The following KSR2 variants were observed in gnomAD, a reference collection of about 807,000 sequenced individuals.
KSR2 encodes the protein kinase suppressor of ras 2.
A neutral mutation model predicts 107.8 loss-of-function variants in KSR2; 25 were observed. That is an observed-to-expected ratio of 0.23 (90% confidence interval 0.17 to 0.32). The LOEUF is 0.32. Ranked by LOEUF, KSR2 falls within the 10% of genes least tolerant of loss-of-function variation. The probability of loss-of-function intolerance (pLI) is 1.00; values close to 1 mark genes in which losing one functional copy is unlikely to be tolerated. For missense variants in KSR2, 887 were observed against 1,268.9 expected, an observed-to-expected ratio of 0.70 and a Z score of 4.57; for synonymous variants, 480 against 507.0, an observed-to-expected ratio of 0.95 and a Z score of 0.71.
intron 7 of KSR2, among the ~76,000 whole-genome samples, chr12:117,568,738 CATT>C (rs1040713905): frequency 6.6e-6 from 1 of 152,164 alleles, no homozygotes; most frequent in African/African-American, 2.4e-5. Context: ...TTATCATCAT[CATT>C]ATCACATCTA....
intron 4 of KSR2, among the ~76,000 whole-genome samples, chr12:117,729,271 C>T (rs1887566405): frequency 6.6e-6 from 1 of 152,012 alleles, no homozygotes; most frequent in Non-Finnish European, 1.5e-5. Context: ...GCACCCCTCT[C>T]ATGCATTGAC....
At chr12:117,766,049 C>T (rs535234807) in intron 3 of KSR2, among the ~76,000 whole-genome samples, 1 of 152,294 alleles carries the variant, frequency 6.6e-6, no homozygotes, top group East Asian at 1.9e-4. Context: ...CAGTTCCATC[C>T]TAGGTACAGA....
chr12:117,527,300 CAG>C (rs1392090085), intron 12 of KSR2, among the ~76,000 whole-genome samples, 181 bp from the exon 13 acceptor site: 2,273 of 73,200 alleles, frequency 0.031, 58 homozygotes, highest in African/African-American at 0.096. Flanking sequence ...CACACACACA[CAG>C]ACACACACAC....
At chr12:117,713,644 G>A (rs1033427553) in intron 4 of KSR2, among the ~76,000 whole-genome samples, 4 of 151,496 alleles carry the variant, frequency 2.6e-5, no homozygotes, top group African/African-American at 9.8e-5. Context: ...AGTGAGGGAT[G>A]GAGAAGGGAC....
rs1239395281 is a variant in KSR2, at chr12:117,464,646, G to C, written c.*2553C>G. On this transcript the variant is annotated 3_prime_UTR_variant, in exon 20 of 20. Transcript: ENST00000339824. ...TCAACAAGTCAGGGCGGTGTAGAGG[G>C]GACAGGGTAGGGGCGTCAGGAAGGC... The C allele has an allele frequency of 1.3e-5, 2 of 152,262 alleles. No homozygotes were observed. The highest frequency in any genetic ancestry group is 1.3e-4 in the Admixed American group (2 of 15,280). 9.4% of individuals were successfully genotyped at this position (152,262 alleles called of 1,614,324 possible).
chr12:117,730,475 T>A (rs57599118), intron 4 of KSR2, among the ~76,000 whole-genome samples: 1 of 150,250 alleles, frequency 6.7e-6, no homozygotes, highest in East Asian at 2.0e-4. Context: ...GTCTCCCCTC[T>A]CCCTCGTCTC....
At chr12:117,561,908 C>T (rs1878148000) in intron 7 of KSR2, among the ~76,000 whole-genome samples, 2 of 152,234 alleles carry the variant, frequency 1.3e-5, no homozygotes, top group African/African-American at 4.8e-5. Context: ...TCATTCAACA[C>T]TGAGTTTGGC....
chr12:117,583,405 GTGGATGGA>G (rs369518226), intron 5 of KSR2, among the ~76,000 whole-genome samples: 62,443 of 126,784 alleles, frequency 0.49, 15,647 homozygotes, highest in East Asian at 0.63. Flanking sequence ...GGGTGAGTGA[GTGGATGGA>G]TGGATGGATG....
chr12:117,817,268 A>G (rs560205742), intron 3 of KSR2, among the ~76,000 whole-genome samples: 1 of 152,270 alleles, frequency 6.6e-6, no homozygotes, highest in African/African-American at 2.4e-5. Flanking sequence ...CCTACTGTCT[A>G]TTTGCATCTG....
At chr12:117,573,753 TC>T (rs1879062808) in intron 7 of KSR2, among the ~76,000 whole-genome samples, 1 of 152,028 alleles carries the variant, frequency 6.6e-6, no homozygotes, top group African/African-American at 2.4e-5. Context: ...GGTCTCGAAC[TC>T]CTGACCTCAA....
chr12:117,561,154 G>A (rs939928561), intron 7 of KSR2, among the ~76,000 whole-genome samples: 1 of 152,178 alleles, frequency 6.6e-6, no homozygotes, highest in African/African-American at 2.4e-5. Context: ...AAATAGTAGA[G>A]TGGATATGTA....
intron 12 of KSR2, among the ~76,000 whole-genome samples, chr12:117,529,027 T>C (rs1875424880): frequency 6.6e-6 from 1 of 152,218 alleles, no homozygotes. Context: ...AAGTTGCTGC[T>C]CCTTTGATTT....
At position 117,484,358 on chromosome 12, in the gene KSR2, C is replaced by T. The variant is rs778887129; in HGVS notation, c.2450+58G>A. The T allele has an allele frequency of 7.9e-4, 1,260 of 1,598,012 alleles. 1 individual carries two copies. Among genetic ancestry groups the T allele is most frequent in the Non-Finnish European group, 1.0e-3 (1,208 of 1,170,176 alleles). On this transcript the variant is annotated intron_variant, in intron 16 of 19. Transcript: ENST00000339824. ...TCACTAAAGCCATTTGGACTAACTT[C>T]CCACCTCCTGACCATCATCTGTCAG...
At chr12:117,752,496 T>C (rs973567771) in intron 4 of KSR2, among the ~76,000 whole-genome samples, 2 of 152,240 alleles carry the variant, frequency 1.3e-5, no homozygotes, top group African/African-American at 4.8e-5. Flanking sequence ...GAACTAGATA[T>C]ATTTCATATA....
intron 1 of KSR2, among the ~76,000 whole-genome samples, chr12:117,949,187 A>G (rs1247215056): frequency 6.6e-6 from 1 of 152,182 alleles, no homozygotes; most frequent in Non-Finnish European, 1.5e-5. Context: ...CAAAAAAATG[A>G]ATCACAGATT....
intron 4 of KSR2, among the ~76,000 whole-genome samples, chr12:117,714,673 T>C (rs1886910637): frequency 6.6e-6 from 1 of 152,152 alleles, no homozygotes; most frequent in Non-Finnish European, 1.5e-5. Flanking sequence ...CTGTAACAGC[T>C]GCCTCACGAC....
chr12:117,687,446 T>C (rs1251660394), intron 4 of KSR2, among the ~76,000 whole-genome samples: 1 of 152,188 alleles, frequency 6.6e-6, no homozygotes, highest in Non-Finnish European at 1.5e-5. Context: ...TGCTTTCAAC[T>C]TTTGCATCCA....
At chr12:117,943,647 A>C (rs2137542724) in intron 1 of KSR2, among the ~76,000 whole-genome samples, 1 of 152,314 alleles carries the variant, frequency 6.6e-6, no homozygotes, top group Non-Finnish European at 1.5e-5. Context: ...AGTCATAAAA[A>C]AATGAAGTAC....
intron 5 of KSR2, among the ~76,000 whole-genome samples, chr12:117,649,420 A>G (rs1883792587): frequency 6.6e-6 from 1 of 152,236 alleles, no homozygotes; most frequent in Non-Finnish European, 1.5e-5. Flanking sequence ...AATGAGGATT[A>G]AAGCTGACCT....
Sources: gnomAD v4.1 joint callset for allele counts (sites outside exome capture counted in the v4.1 genomes callset) on GRCh38, gnomAD v4.1.1 for gene constraint, MANE v1.5 for transcripts, NCBI Gene and HGNC (gene_info 2026-07-23, HGNC 2026-07-21) for gene names.